Variants in CFAP61 observed in about 807,000 individuals in gnomAD.
The protein encoded by CFAP61 is cilia and flagella associated protein 61.
In CFAP61, 107 loss-of-function variants were observed where a neutral mutation model predicts 135.6. The observed-to-expected ratio is 0.79, with a 90% CI of 0.67 to 0.93. The LOEUF (loss-of-function observed/expected upper bound fraction) is 0.93, where lower values mean the gene tolerates loss of function less well. Ranked by LOEUF, CFAP61 falls within the 40% of genes least tolerant of loss-of-function variation. The pLI is 0.00. For synonymous variants in CFAP61, 575 were observed against 578.5 expected, an observed-to-expected ratio of 0.99 and a Z score of 0.09; for missense variants, 1,507 against 1,556.2, an observed-to-expected ratio of 0.97 and a Z score of 0.53.
At chr20:20,239,717 A>C (rs1472469604) in intron 18 of CFAP61, among the ~76,000 whole-genome samples, 3 of 152,186 alleles carry the variant, frequency 2.0e-5, no homozygotes, top group Non-Finnish European at 4.4e-5. Flanking sequence ...CCGGGATCTT[A>C]ATGAGTCTGA....
chr20:20,285,282 T>TG (rs1267309302), intron 22 of CFAP61, among the ~76,000 whole-genome samples: 20 of 151,768 alleles, frequency 1.3e-4, no homozygotes, highest in Non-Finnish European at 7.4e-5. Flanking sequence ...CATGGTTTGT[T>TG]TTTTTTGTTT....
intron 17 of CFAP61, among the ~76,000 whole-genome samples, chr20:20,224,498 T>C (rs973768403): frequency 3.3e-5 from 5 of 152,204 alleles, no homozygotes; most frequent in African/African-American, 1.2e-4. Flanking sequence ...TAAGGAATTT[T>C]TTTTTAGCCT....
intron 20 of CFAP61, among the ~76,000 whole-genome samples, chr20:20,255,315 C>A (rs943661666): frequency 6.6e-6 from 1 of 152,160 alleles, no homozygotes; most frequent in Non-Finnish European, 1.5e-5. Flanking sequence ...ATTTGAGGAA[C>A]CTCATAAAGA....
chr20:20,263,206 T>G (rs1261059033), intron 21 of CFAP61, 76 bp downstream of exon 21: 8 of 1,093,408 alleles, frequency 7.3e-6, no homozygotes, highest in Admixed American at 2.4e-5. Context: ...TTCATCTAGT[T>G]CCAGTATATA....
At position 20,277,213 on chromosome 20, in the gene CFAP61, G is replaced by A. The variant is rs2053827792; in HGVS notation, c.2551G>A (p.Glu851Lys). 9 of 1,613,634 alleles carry A rather than the reference G, an allele frequency of 5.6e-6. No homozygotes were observed. Among genetic ancestry groups the A allele is most frequent in the Non-Finnish European group, 7.6e-6 (9 of 1,179,870 alleles). ...TACAATTGATACTTACACCACCGTGGAGACGCTCTTAAACCTTGGCGTGAG... is the reference window on the plus strand; with the variant it reads ...TACAATTGATACTTACACCACCGTGAAGACGCTCTTAAACCTTGGCGTGAG... ...GNTIDTYTTVETLLNLGVSGS... is the reference protein window; with the variant it reads ...GNTIDTYTTVKTLLNLGVSGS... The change falls in exon 22 of 27, where the codon GAG becomes AAG. Residue 851 changes from glutamate to lysine, a missense_variant. Transcript: ENST00000245957.
intron 15 of CFAP61, among the ~76,000 whole-genome samples, chr20:20,194,237 T>C (rs1261979540): frequency 6.6e-6 from 1 of 152,204 alleles, no homozygotes; most frequent in African/African-American, 2.4e-5. Flanking sequence ...TAAACATATA[T>C]ATGTTACATT....
intron 21 of CFAP61, 89 bp downstream of exon 21, chr20:20,263,219 T>A: frequency 1.1e-6 from 1 of 893,578 alleles, no homozygotes; most frequent in Non-Finnish European, 1.6e-6. Context: ...AGTATATAAT[T>A]AGTGCCTAAT....
rs765459841 is a variant in CFAP61 at position 20,142,871 on chromosome 20, A to G, written c.874A>G (p.Ser292Gly). 8 of 1,601,442 alleles carry G rather than the reference A, an allele frequency of 5.0e-6. No individual in the cohort carries two copies. In the South Asian group the frequency reaches 7.9e-5, roughly 16 times the overall value. Residue 292 changes from serine (S) to glycine (G), a missense_variant, in exon 9 of 27, where the codon AGT (serine) becomes GGT (glycine). Coordinates refer to ENST00000245957, the MANE Select transcript of CFAP61 (RefSeq NM_015585.4). Reference protein sequence around the residue: ...VRRSQDAELRSSSQGSQKIVE... With the variant: ...VRRSQDAELRGSSQGSQKIVE... Reference sequence around the variant, plus strand: ...TTCTCTCAAAGATGCTGAGCTCAGGAGTAGCAGCCAAGGTTCCCAAAAAAT... The same window carrying G: ...TTCTCTCAAAGATGCTGAGCTCAGGGGTAGCAGCCAAGGTTCCCAAAAAAT...
chr20:20,117,026 CT>C (rs1283036636), intron 8 of CFAP61, among the ~76,000 whole-genome samples: 1 of 152,156 alleles, frequency 6.6e-6, no homozygotes, highest in African/African-American at 2.4e-5. Flanking sequence ...TGAGACTTTC[CT>C]TTCCCCGCTT....
chr20:20,253,144 A>ATTTTCTTTTCTTTTCTTTTC (rs11472286), intron 20 of CFAP61, among the ~76,000 whole-genome samples: 27 of 149,938 alleles, frequency 1.8e-4, no homozygotes, highest in African/African-American at 5.2e-4. Flanking sequence ...GAGATGCTAC[A>ATTTTCTTTTCTTTTCTTTTC]TTTTCTTTTC....
At chr20:20,249,631 T>C (rs1235612316) in intron 19 of CFAP61, among the ~76,000 whole-genome samples, 1 of 152,216 alleles carries the variant, frequency 6.6e-6, no homozygotes, top group Admixed American at 6.5e-5. Context: ...TAAAGTTTCC[T>C]AAAAATCAGT....
intron 7 of CFAP61, among the ~76,000 whole-genome samples, chr20:20,092,733 A>T (rs1456906793): frequency 1.3e-5 from 2 of 152,256 alleles, no homozygotes; most frequent in Admixed American, 6.5e-5. Context: ...AAGCACATGA[A>T]AAGACATTCA....
intron 25 of CFAP61, 48 bp from the exon 26 acceptor site, chr20:20,341,783 G>A: frequency 7.7e-7 from 1 of 1,299,164 alleles, no homozygotes; most frequent in Non-Finnish European, 1.1e-6. Context: ...CTTTATTAGT[G>A]GTAATGAGAG....
chr20:20,062,525 T>A (rs1600360074), intron 2 of CFAP61, among the ~76,000 whole-genome samples: 1 of 151,210 alleles, frequency 6.6e-6, no homozygotes. Context: ...CGCATATTAA[T>A]GAAACAGGAA....
chr20:20,085,679 G>A, intron 6 of CFAP61: 1 of 367,074 alleles, frequency 2.7e-6, no homozygotes, highest in South Asian at 2.4e-5. Context: ...AAAGCCTATG[G>A]TGCACAGTTG....
intron 1 of CFAP61, among the ~76,000 whole-genome samples, chr20:20,053,886 A>C (rs2044000956): frequency 6.6e-6 from 1 of 152,176 alleles, no homozygotes; most frequent in Non-Finnish European, 1.5e-5. Flanking sequence ...TCATTGGTTT[A>C]ATCATCTGTT....
At chr20:20,199,488 A>G (rs749027792) in intron 16 of CFAP61, among the ~76,000 whole-genome samples, 3 of 152,144 alleles carry the variant, frequency 2.0e-5, no homozygotes, top group Non-Finnish European at 2.9e-5. Context: ...CCCGGGGAAA[A>G]TACTTGTACT....
At chr20:20,255,815 G>A (rs1051419581) in intron 20 of CFAP61, among the ~76,000 whole-genome samples, 19 of 152,216 alleles carry the variant, frequency 1.2e-4, no homozygotes, top group Non-Finnish European at 1.8e-4. Context: ...CATCTAAGAG[G>A]TAGAGTCTAT....
At chr20:20,354,507 A>G (rs2058968252) in intron 26 of CFAP61, among the ~76,000 whole-genome samples, 1 of 151,756 alleles carries the variant, frequency 6.6e-6, no homozygotes, top group African/African-American at 2.4e-5. Flanking sequence ...TGTCTCAAAA[A>G]AAAAAAAAAA....
Sources: allele counts gnomAD v4.1 joint callset (sites outside exome capture counted in the v4.1 genomes callset), GRCh38; gene constraint gnomAD v4.1.1; transcripts MANE v1.5; gene names NCBI Gene and HGNC (gene_info 2026-07-23, HGNC 2026-07-21).